Variants in FAIM2 observed in about 807,000 individuals in gnomAD.
FAIM2 encodes protein lifeguard 2.
In FAIM2, 27 loss-of-function variants were observed where a neutral mutation model predicts 47.4. The observed-to-expected ratio is 0.57, with a 90% CI of 0.42 to 0.78. The LOEUF (loss-of-function observed/expected upper bound fraction) is 0.78. Ranked by LOEUF, FAIM2 falls within the 30% of genes least tolerant of loss-of-function variation. FAIM2 has a pLI of 0.00. For synonymous variants in FAIM2, 156 were observed against 159.3 expected (o/e 0.98, Z 0.16); for missense variants, 311 against 389.4 (o/e 0.80, Z 1.69).
At chr12:49,884,710 C>T (rs1485500263) in intron 11 of FAIM2, among the ~76,000 whole-genome samples, 1 of 152,236 alleles carries the variant, frequency 6.6e-6, no homozygotes, top group Non-Finnish European at 1.5e-5. Flanking sequence ...CATGGTCACT[C>T]ACGCCTGTAA....
At chr12:49,871,079 G>C (rs987221485) in intron 11 of FAIM2, among the ~76,000 whole-genome samples, 2 of 152,152 alleles carry the variant, frequency 1.3e-5, no homozygotes, top group Admixed American at 1.3e-4. Context: ...CATTCCCTCC[G>C]GACCCTGCTC....
chr12:49,899,568 T>A (rs1472920266), intron 2 of FAIM2, among the ~76,000 whole-genome samples: 2 of 152,280 alleles, frequency 1.3e-5, no homozygotes, highest in Non-Finnish European at 2.9e-5. Context: ...CTGCACATTC[T>A]ATTCTTTCAG....
rs569437955 is a variant in FAIM2, at chr12:49,897,773, C to G, written c.316-190G>C. Among the ~76,000 whole-genome samples the G allele has an allele frequency of 2.0e-5, 3 of 152,132 alleles. No homozygotes were observed. In the South Asian group the frequency reaches 6.2e-4, roughly 32 times the overall value. The stretch of plus-strand genomic sequence containing the variant: ...CTGCAGAGCCAAGCGCACCCCCCCC[C>G]AGCATTGGGAGAAAAGAGGGGACAG... On this transcript the variant is annotated intron_variant, in intron 3 of 11. Coordinates refer to ENST00000320634, the MANE Select transcript of FAIM2 (RefSeq NM_012306.4).
chr12:49,875,476 C>T (rs1202535772), intron 11 of FAIM2, among the ~76,000 whole-genome samples: 1 of 151,472 alleles, frequency 6.6e-6, no homozygotes, highest in Admixed American at 6.6e-5. Context: ...GATCTGGGGC[C>T]CATTTCTTGC....
Position 49,875,559 on chromosome 12 carries a change from C to T in FAIM2, c.802-4906G>A, listed in dbSNP as rs575637144. On this transcript the variant is annotated intron_variant, in intron 11 of 11. Coordinates refer to ENST00000320634, the MANE Select transcript of FAIM2 (RefSeq NM_012306.4). The stretch of plus-strand genomic sequence containing the variant: ...ATTTAGATGGCACAGACAACATTTG[C>T]ACCCCCAGGAGGGCCACCAAAGGAA... 1.1e-4 allele frequency among the ~76,000 whole-genome samples: 16 copies of T among 152,268 alleles called. No individual in the cohort carries two copies. The East Asian group carries it at 2.9e-3, about 28-fold the overall frequency.
intron 4 of FAIM2, 36 bp from the exon 5 acceptor site, chr12:49,897,120 T>C (rs1054317652): frequency 2.6e-6 from 4 of 1,532,280 alleles, no homozygotes; most frequent in Non-Finnish European, 3.6e-6. Flanking sequence ...AGAGTCAGAA[T>C]GTACCCTAGG....
At chr12:49,902,705 G>GC (rs5798116) in intron 1 of FAIM2, 73,903 of 151,216 alleles carry the variant, frequency 0.49, 20,080 homozygotes, top group South Asian at 0.74. Context: ...CCACTCCCCA[G>GC]CCCCCCTCAT....
At position 49,890,149 on chromosome 12, in the gene FAIM2, C is replaced by T. The variant is rs761705154; in HGVS notation, c.531G>A (p.Leu177=). 6.2e-7 allele frequency: 1 copy of T among 1,614,078 alleles called. No individual in the cohort carries two copies. The highest frequency in any genetic ancestry group is 1.1e-5 in the South Asian group (1 of 91,080). ...WNLILLTVFT[L]SMAYLTGMLS... ...GCATCCCAGTGAGGTAGGCCATGGA[C>T]AGGGTCTGAAAGGAGAAGCAGGGTA... The change falls in exon 8 of 12, where the codon CTG becomes CTA. Residue 177 remains leucine, a synonymous_variant. Transcript: ENST00000320634.
chr12:49,894,458 A>G (rs1044796211), intron 5 of FAIM2, among the ~76,000 whole-genome samples: 1 of 152,076 alleles, frequency 6.6e-6, no homozygotes, highest in Admixed American at 6.5e-5. Context: ...GAGGGCCTTG[A>G]GAAAGCTGGG....
At chr12:49,876,559 C>G (rs1376805851) in intron 11 of FAIM2, among the ~76,000 whole-genome samples, 3 of 151,462 alleles carry the variant, frequency 2.0e-5, no homozygotes, top group African/African-American at 7.3e-5. Flanking sequence ...GTCAGGAGAT[C>G]GAGACCATCC....
At chr12:49,897,772 C>T (rs958362608) in intron 3 of FAIM2, among the ~76,000 whole-genome samples, 189 bp from the exon 4 acceptor site, 1 of 151,978 alleles carries the variant, frequency 6.6e-6, no homozygotes, top group Non-Finnish European at 1.5e-5. Flanking sequence ...GCACCCCCCC[C>T]CAGCATTGGG....
At chr12:49,890,589 C>T in intron 7 of FAIM2, 94 bp downstream of exon 7, 2 of 1,220,346 alleles carry the variant, frequency 1.6e-6, no homozygotes, top group Non-Finnish European at 2.4e-6. Context: ...TTGGACATCC[C>T]CAGCCCAGTC....
chr12:49,889,214 G>A lies in FAIM2; in HGVS notation c.652-12C>T, dbSNP rs1475856515. ...GAGGTGAAGTCGAACTGTGGGGACA[G>A]GATGGGGTTAGCTGCAGGAGCGGCC... On this transcript the variant is annotated splice_polypyrimidine_tract_variant and intron_variant, in intron 9 of 11. Transcript: ENST00000320634. 1 of 1,602,792 alleles carries A rather than the reference G, an allele frequency of 6.2e-7. No homozygotes were observed. Among genetic ancestry groups the A allele is most frequent in the Non-Finnish European group, 8.5e-7 (1 of 1,173,544 alleles).
chr12:49,873,809 T>C (rs2137078842), intron 11 of FAIM2, among the ~76,000 whole-genome samples: 1 of 152,326 alleles, frequency 6.6e-6, no homozygotes, highest in South Asian at 2.1e-4. Flanking sequence ...CACTGACCAG[T>C]ATGACCCATC....
rs1220614989 is a variant in FAIM2 at position 49,891,554 on chromosome 12, G to A, written c.435-440C>T. 3.9e-5 allele frequency among the ~76,000 whole-genome samples: 6 copies of A among 152,274 alleles called. No individual in the cohort carries two copies. The East Asian group carries it at 1.2e-3, about 29-fold the overall frequency. ...TTGTCCAAGGCCATCCAGCTACCACGCTGCAGAAGCAGGATGAGAACCCAG... is the reference window on the plus strand; with the variant it reads ...TTGTCCAAGGCCATCCAGCTACCACACTGCAGAAGCAGGATGAGAACCCAG... On this transcript the variant is annotated intron_variant, in intron 5 of 11. Coordinates refer to ENST00000320634, the MANE Select transcript of FAIM2 (RefSeq NM_012306.4).
At chr12:49,885,357 G>T (rs1039104701) in intron 11 of FAIM2, among the ~76,000 whole-genome samples, 9 of 152,132 alleles carry the variant, frequency 5.9e-5, no homozygotes, top group African/African-American at 2.2e-4. Flanking sequence ...CCCTGGCTTG[G>T]CCCCTCTTCT....
At chr12:49,873,848 A>G (rs960872140) in intron 11 of FAIM2, among the ~76,000 whole-genome samples, 2 of 152,220 alleles carry the variant, frequency 1.3e-5, no homozygotes, top group African/African-American at 4.8e-5. Flanking sequence ...TGAGTCAAAC[A>G]AAGTCTTTTC....
intron 2 of FAIM2, among the ~76,000 whole-genome samples, chr12:49,900,672 G>A (rs930016787): frequency 7.9e-5 from 12 of 152,114 alleles, no homozygotes; most frequent in Non-Finnish European, 1.5e-4. Flanking sequence ...TGGGGCCTCC[G>A]TGGAGACCTG....
chr12:49,869,135 G>A lies in FAIM2; in HGVS notation c.*1369C>T. On this transcript the variant is annotated 3_prime_UTR_variant, in exon 12 of 12. Coordinates refer to ENST00000320634, the MANE Select transcript of FAIM2 (RefSeq NM_012306.4). ...GAGTTGGCCACTGCACATGCTGGCT[G>A]CACGCTCCCCCAGTGTGGCCTCCTG... 1 of 152,650 alleles carries A rather than the reference G, an allele frequency of 6.6e-6. No individual in the cohort carries two copies. The highest frequency in any genetic ancestry group is 1.5e-5 in the Non-Finnish European group (1 of 68,248). 9.5% of individuals were successfully genotyped at this position (152,650 alleles called of 1,614,324 possible).
Sources: allele counts gnomAD v4.1 joint callset (sites outside exome capture counted in the v4.1 genomes callset), GRCh38; gene constraint gnomAD v4.1.1; transcripts MANE v1.5; gene names NCBI Gene and HGNC (gene_info 2026-07-23, HGNC 2026-07-21).